Variants in ADGRB3 observed in about 807,000 individuals in gnomAD.
ADGRB3 encodes brain-specific angiogenesis inhibitor 3.
In ADGRB3, 37 loss-of-function variants were observed where a neutral mutation model predicts 193.4. That is an observed-to-expected ratio of 0.19 (90% CI 0.15 to 0.25). ADGRB3 has a LOEUF of 0.25. Ranked by LOEUF, ADGRB3 falls within the 10% of genes least tolerant of loss-of-function variation. ADGRB3 has a pLI of 1.00. For synonymous variants in ADGRB3, 690 were observed against 644.2 expected (o/e 1.07, Z -1.08); for missense variants, 1,637 against 1,852.9 (o/e 0.88, Z 2.14).
intron 17 of ADGRB3, among the ~76,000 whole-genome samples, chr6:69,154,164 C>A (rs368457749): frequency 6.8e-6 from 1 of 146,728 alleles, no homozygotes; most frequent in South Asian, 2.2e-4. Context: ...ACAATTTCAG[C>A]TTATATATTG....
chr6:68,945,027 C>G (rs749914400), intron 6 of ADGRB3, among the ~76,000 whole-genome samples: 7 of 152,092 alleles, frequency 4.6e-5, no homozygotes, highest in Non-Finnish European at 1.0e-4. Flanking sequence ...TTAAATACCC[C>G]CAAGTTAATG....
chr6:68,654,150 T>TA (rs1490829703), intron 3 of ADGRB3, among the ~76,000 whole-genome samples: 2 of 152,064 alleles, frequency 1.3e-5, no homozygotes, highest in Non-Finnish European at 2.9e-5. Flanking sequence ...TGTGTAACAA[T>TA]AATTAACATC....
In ADGRB3 at chr6:68,868,951, G is replaced by GTGTGTGTGTGTGTGTGTT. The variant is rs781022363; in HGVS notation, c.758-61607_758-61606insGTGTGTGTGTGTGTGTTT. 2.1e-3 allele frequency among the ~76,000 whole-genome samples: 315 copies of GTGTGTGTGTGTGTGTGTT among 150,470 alleles called. 3 individuals are homozygous for GTGTGTGTGTGTGTGTGTT. Among genetic ancestry groups the GTGTGTGTGTGTGTGTGTT allele is most frequent in the African/African-American group, 5.5e-3 (223 of 40,846 alleles). ...TGTGTGTGTGTGTGTGAGTGTGTGTGTTTAAACTTAATCTTAGCATCCTAT... is the reference window on the plus strand; with the variant it reads ...TGTGTGTGTGTGTGTGAGTGTGTGTGTGTGTGTGTGTGTGTGTTTTTAAACTTAATCTTAGCATCCTAT... On this transcript the variant is annotated intron_variant, in intron 3 of 31. Transcript: ENST00000370598.
intron 13 of ADGRB3, among the ~76,000 whole-genome samples, chr6:69,025,754 C>A (rs1231439663): frequency 6.6e-6 from 1 of 152,178 alleles, no homozygotes; most frequent in African/African-American, 2.4e-5. Context: ...ACAAGTAGTT[C>A]AAACATAGTT....
Position 68,725,680 on chromosome 6 carries a change from A to C in ADGRB3, c.757+86248A>C, listed in dbSNP as rs998532434. 9.2e-5 allele frequency among the ~76,000 whole-genome samples: 14 copies of C among 151,550 alleles called. 1 individual carries two copies. Among genetic ancestry groups the C allele is most frequent in the African/African-American group, 3.1e-4 (13 of 41,346 alleles). On this transcript the variant is annotated intron_variant, in intron 3 of 31. Transcript: ENST00000370598. ...GTACAATATTTAGGGAGCATAAAAA[A>C]CTGATCTTATCTCAGGAGAGAGGTT... is the stretch of plus-strand genomic sequence containing the variant.
chr6:68,686,003 C>T (rs1276081595), intron 3 of ADGRB3, among the ~76,000 whole-genome samples: 1 of 152,130 alleles, frequency 6.6e-6, no homozygotes, highest in Admixed American at 6.5e-5. Flanking sequence ...CGGGACTTAA[C>T]CATGTCAATA....
chr6:69,158,049 A>G (rs1774892028), intron 17 of ADGRB3, among the ~76,000 whole-genome samples: 1 of 152,120 alleles, frequency 6.6e-6, no homozygotes, highest in African/African-American at 2.4e-5. Flanking sequence ...TTCAAAAAGT[A>G]TTAATTAGAT....
intron 17 of ADGRB3, among the ~76,000 whole-genome samples, chr6:69,224,452 G>T (rs182736779): frequency 5.9e-5 from 9 of 152,096 alleles, no homozygotes; most frequent in African/African-American, 1.9e-4. Context: ...CAGACCAACA[G>T]TTTTTTTGAG....
At chr6:69,040,307 C>CTTTCTTTCTTTCTTTCTT (rs1236133678) in intron 13 of ADGRB3, among the ~76,000 whole-genome samples, 4 of 94,806 alleles carry the variant, frequency 4.2e-5, no homozygotes, top group African/African-American at 1.3e-4. Context: ...CTTTCTCTGT[C>CTTTCTTTCTTTCTTTCTT]TCTTTCTTTC....
intron 3 of ADGRB3, among the ~76,000 whole-genome samples, chr6:68,876,558 C>G (rs182950538): frequency 1.3e-5 from 2 of 152,222 alleles, no homozygotes; most frequent in East Asian, 3.9e-4. Context: ...GTTTACTTTT[C>G]TTATAGGAAA....
At chr6:68,681,340 G>T (rs1463259654) in intron 3 of ADGRB3, among the ~76,000 whole-genome samples, 1 of 151,996 alleles carries the variant, frequency 6.6e-6, no homozygotes, top group Non-Finnish European at 1.5e-5. Context: ...ATTTTGTTTT[G>T]TAGAGACAGC....
intron 20 of ADGRB3, among the ~76,000 whole-genome samples, chr6:69,255,751 G>C (rs572142742): frequency 5.7e-4 from 87 of 152,130 alleles, no homozygotes; most frequent in Admixed American, 4.0e-3. Flanking sequence ...CATTGCTTTT[G>C]GTGTTTTAGA....
chr6:68,701,216 C>T (rs1447772266), intron 3 of ADGRB3, among the ~76,000 whole-genome samples: 1 of 152,166 alleles, frequency 6.6e-6, no homozygotes, highest in African/African-American at 2.4e-5. Context: ...GACTAAATCT[C>T]GCAGTGTTGA....
intron 15 of ADGRB3, among the ~76,000 whole-genome samples, chr6:69,058,699 A>T (rs1372056578): frequency 6.6e-6 from 1 of 151,834 alleles, no homozygotes; most frequent in African/African-American, 2.4e-5. Flanking sequence ...TTCTTCTTTG[A>T]TCCGCTGGTT....
chr6:69,077,068 T>A (rs1772252981), intron 17 of ADGRB3, among the ~76,000 whole-genome samples: 1 of 152,076 alleles, frequency 6.6e-6, no homozygotes, highest in African/African-American at 2.4e-5. Context: ...TCTTTTGCTA[T>A]AGGTTCTCAT....
intron 17 of ADGRB3, among the ~76,000 whole-genome samples, chr6:69,100,183 T>C (rs1041686810): frequency 1.3e-5 from 2 of 152,216 alleles, no homozygotes; most frequent in Non-Finnish European, 2.9e-5. Flanking sequence ...TTTCTTGTTT[T>C]AGTGCAGAAT....
At chr6:68,792,885 C>T (rs1444813419) in intron 3 of ADGRB3, among the ~76,000 whole-genome samples, 1 of 152,132 alleles carries the variant, frequency 6.6e-6, no homozygotes, top group Non-Finnish European at 1.5e-5. Context: ...ACATGATCTA[C>T]AGTCTCAGCA....
chr6:68,813,787 G>A (rs1391282181), intron 3 of ADGRB3, among the ~76,000 whole-genome samples: 12 of 152,008 alleles, frequency 7.9e-5, no homozygotes, highest in Non-Finnish European at 1.5e-4. Context: ...ATTCCCACCT[G>A]TGAGTGAGAA....
At chr6:68,713,735 TC>T (rs532635781) in intron 3 of ADGRB3, among the ~76,000 whole-genome samples, 56 of 151,634 alleles carry the variant, frequency 3.7e-4, no homozygotes, top group Middle Eastern at 3.4e-3. Context: ...ATAACTCCTC[TC>T]CTTTCATTTA....
Sources: gnomAD v4.1 joint callset for allele counts (sites outside exome capture counted in the v4.1 genomes callset) on GRCh38, gnomAD v4.1.1 for gene constraint, MANE v1.5 for transcripts, NCBI Gene and HGNC (gene_info 2026-07-23, HGNC 2026-07-21) for gene names.